ITGA11: variants seen among roughly 807,000 people sequenced by gnomAD.
The protein encoded by ITGA11 is integrin subunit alpha 11.
In ITGA11, 97 loss-of-function variants were observed where a neutral mutation model predicts 141.9. That is an observed-to-expected ratio of 0.68 (90% CI 0.58 to 0.81). ITGA11 has a LOEUF of 0.81. Among genes scored for constraint, ITGA11 ranks in the 30% least tolerant of loss-of-function variants. ITGA11 has a pLI of 0.00. For synonymous variants in ITGA11, 658 were observed against 624.6 expected (o/e 1.05, Z -0.80); for missense variants, 1,387 against 1,559.2 (o/e 0.89, Z 1.86).
intron 2 of ITGA11, among the ~76,000 whole-genome samples, chr15:68,399,578 T>C (rs1172231712): frequency 6.6e-6 from 1 of 152,034 alleles, no homozygotes; most frequent in Non-Finnish European, 1.5e-5. Flanking sequence ...TAATGGTGGA[T>C]TGGATAAAGA....
rs1313325116 is a variant in ITGA11 at position 68,305,529 on chromosome 15, T to C, written c.3382-1644A>G. ...GAGCTCAGCTAACACGTGGAGTGAA[T>C]GGACCACCTGCAACAGCAGACAGAG... On this transcript the variant is annotated intron_variant, in intron 28 of 29. Coordinates refer to ENST00000315757, the MANE Select transcript of ITGA11 (RefSeq NM_001004439.2). This position sits in a 1 kb window ranked among gnomAD's most constrained non-coding sequence, Gnocchi z 4.6. Among the ~76,000 whole-genome samples, 3 of 152,244 alleles carry C rather than the reference T, an allele frequency of 2.0e-5. No homozygotes were observed. Among genetic ancestry groups the C allele is most frequent in the Non-Finnish European group, 4.4e-5 (3 of 68,010 alleles).
Position 68,321,241 on chromosome 15 carries a change from AG to A in ITGA11, c.2408+176del, listed in dbSNP as rs1455682725. On this transcript the variant is annotated intron_variant, in intron 19 of 29. Transcript: ENST00000315757. This position sits in a 1 kb window ranked among gnomAD's most constrained non-coding sequence, Gnocchi z 4.9. Reference sequence around the variant, plus strand: ...TCATATTACAGAAGAGACTTTCCTGAGGTTATGCAGGAGTTGGTGGCAGAGC... The same window carrying A: ...TCATATTACAGAAGAGACTTTCCTGAGTTATGCAGGAGTTGGTGGCAGAGC... 5.3e-5 allele frequency among the ~76,000 whole-genome samples: 8 copies of A among 150,694 alleles called. No individual in the cohort carries two copies. Among genetic ancestry groups the A allele is most frequent in the African/African-American group, 2.0e-4 (8 of 40,800 alleles).
intron 5 of ITGA11, among the ~76,000 whole-genome samples, chr15:68,360,907 G>A (rs1895222823): frequency 6.6e-6 from 1 of 152,104 alleles, no homozygotes; most frequent in Admixed American, 6.5e-5. Flanking sequence ...AGCCAGAGGT[G>A]CCAATTCCCG....
chr15:68,345,601 CCTT>C (rs1265625210), intron 10 of ITGA11, among the ~76,000 whole-genome samples: 1 of 152,254 alleles, frequency 6.6e-6, no homozygotes, highest in Non-Finnish European at 1.5e-5. Context: ...AGGGATCTCT[CCTT>C]CTACCAGAAC....
Position 68,312,785 on chromosome 15 carries a change from G to A in ITGA11, c.2961C>T (p.Ser987=), listed in dbSNP as rs1234162620. 1 of 1,613,100 alleles carries A rather than the reference G, an allele frequency of 6.2e-7. No individual in the cohort carries two copies. The highest frequency in any genetic ancestry group is 1.1e-5 in the South Asian group (1 of 91,060). Residue 987 remains serine, a synonymous_variant, in exon 24 of 30, where the codon AGC becomes AGT. Coordinates refer to ENST00000315757, the MANE Select transcript of ITGA11 (RefSeq NM_001004439.2). ...CCTCCAGCCTCACCCTGAAGATGCA[G>A]CTGAAGGGAGGCCCGATACCATCGT... is the stretch of plus-strand genomic sequence containing the variant. ...ERYDGIGPPF[S]CIFRIQNLGL... is the part of the protein sequence containing the mutation.
At chr15:68,414,851 C>T (rs534153441) in intron 1 of ITGA11, among the ~76,000 whole-genome samples, 4 of 152,314 alleles carry the variant, frequency 2.6e-5, no homozygotes, top group East Asian at 1.9e-4. Context: ...CCTCTCCCCA[C>T]GGCTTAGCGC....
In ITGA11 at chr15:68,357,297, AACCTGCAAGG is replaced by A. The variant is rs1231499119; in HGVS notation, c.601-8_602del. ...CATCTTCGCCATACTGCACAACTCC[AACCTGCAAGG>A]GAGAGGAGAGGGCAACAGAACATTT... On this transcript the variant is annotated splice_acceptor_variant and splice_polypyrimidine_tract_variant and coding_sequence_variant and intron_variant, in exon 7 of 30. Transcript: ENST00000315757. LOFTEE classifies it high-confidence loss of function. 3 of 1,612,024 alleles carry A rather than the reference AACCTGCAAGG, an allele frequency of 1.9e-6. No individual in the cohort carries two copies. The South Asian group carries it at 3.3e-5, about 18-fold the overall frequency.
rs1893914047 is a variant in ITGA11, at chr15:68,324,603, A to G, written c.2322+528T>C. Among the ~76,000 whole-genome samples, 1 of 152,160 alleles carries G rather than the reference A, an allele frequency of 6.6e-6. No individual in the cohort carries two copies. The highest frequency in any genetic ancestry group is 2.1e-4 in the South Asian group (1 of 4,826). On this transcript the variant is annotated intron_variant, in intron 18 of 29. Coordinates refer to ENST00000315757, the MANE Select transcript of ITGA11 (RefSeq NM_001004439.2). This position sits in a 1 kb window ranked among gnomAD's most constrained non-coding sequence, Gnocchi z 6.3. ...CAAACATTTTGGATGCCCCAGAGCCAGGGATTAGAAAATGTGGCTGAGGGA... is the reference window on the plus strand; with the variant it reads ...CAAACATTTTGGATGCCCCAGAGCCGGGGATTAGAAAATGTGGCTGAGGGA...
intron 2 of ITGA11, among the ~76,000 whole-genome samples, chr15:68,402,613 C>G (rs376393132): frequency 7.2e-5 from 11 of 152,254 alleles, no homozygotes; most frequent in African/African-American, 2.6e-4. Flanking sequence ...TAGACATGAC[C>G]AGGGGCTAAC....
chr15:68,351,492 C>T, intron 7 of ITGA11, 90 bp from the exon 8 acceptor site: 6 of 1,451,554 alleles, frequency 4.1e-6, no homozygotes, highest in Non-Finnish European at 5.6e-6. Context: ...CCACAGAAAC[C>T]AGGACCAAGT....
intron 3 of ITGA11, among the ~76,000 whole-genome samples, chr15:68,367,712 T>C (rs1895468637): frequency 6.6e-6 from 1 of 152,140 alleles, no homozygotes; most frequent in Admixed American, 6.5e-5. Context: ...ACACTCTAGG[T>C]GCGCATTAAA....
rs1896472514 is a variant in ITGA11, at chr15:68,400,765, T to TA, written c.164+2152dup. The stretch of plus-strand genomic sequence containing the variant: ...TTATATAATAAATATTATAATATTA[T>TA]ATATTATATAATAAATATTATATTA... On this transcript the variant is annotated intron_variant, in intron 2 of 29. Transcript: ENST00000315757. Among the ~76,000 whole-genome samples, 4 of 27,834 alleles carry TA rather than the reference T, an allele frequency of 1.4e-4. No individual in the cohort carries two copies. In the East Asian group the frequency reaches 0.018, roughly 123 times the overall value. The allele number at this position is 27,834 out of a possible 152,430, so 18.3% of individuals were successfully genotyped here.
rs368816061 is a variant in ITGA11 at position 68,415,641 on chromosome 15, C to A, written c.53-12612G>T. Among the ~76,000 whole-genome samples, 118 of 152,304 alleles carry A rather than the reference C, an allele frequency of 7.7e-4. 3 individuals carry two copies. In the South Asian group the frequency reaches 0.024, roughly 31 times the overall value. On this transcript the variant is annotated intron_variant, in intron 1 of 29. Coordinates refer to ENST00000315757, the MANE Select transcript of ITGA11 (RefSeq NM_001004439.2). ...CAAGGCCTGTGTCATGGAGCTGCAGCCACAGTGTCCACCTTCCCCGGGAGG... is the reference window on the plus strand; with the variant it reads ...CAAGGCCTGTGTCATGGAGCTGCAGACACAGTGTCCACCTTCCCCGGGAGG...
At chr15:68,410,277 CTCCAT>C (rs1459540342) in intron 1 of ITGA11, among the ~76,000 whole-genome samples, 1 of 152,248 alleles carries the variant, frequency 6.6e-6, no homozygotes, top group Non-Finnish European at 1.5e-5. Context: ...TTGGGCTCTG[CTCCAT>C]GTTGCAGATG....
chr15:68,416,384 C>T (rs66662325), intron 1 of ITGA11, among the ~76,000 whole-genome samples: 31,133 of 152,062 alleles, frequency 0.2, 3,522 homozygotes, highest in Non-Finnish European at 0.27. Flanking sequence ...CAGAAGCATC[C>T]GGAGACAGGG....
At chr15:68,339,445 C>T in intron 11 of ITGA11, 55 bp downstream of exon 11, 1 of 1,561,626 alleles carries the variant, frequency 6.4e-7, no homozygotes, top group Non-Finnish European at 8.7e-7. Flanking sequence ...TGTGCAGCCC[C>T]TGGGTGCCCT....
At chr15:68,342,856 T>G (rs1423509700) in intron 10 of ITGA11, among the ~76,000 whole-genome samples, 1 of 151,956 alleles carries the variant, frequency 6.6e-6, no homozygotes, top group Non-Finnish European at 1.5e-5. Flanking sequence ...TACGGCAGAG[T>G]TATCCAGCCC....
At chr15:68,350,023 A>G (rs1420149720) in intron 9 of ITGA11, among the ~76,000 whole-genome samples, 2 of 152,158 alleles carry the variant, frequency 1.3e-5, no homozygotes, top group Non-Finnish European at 2.9e-5. Context: ...AAAGCCCACC[A>G]TGCTCCCAAG....
In ITGA11 at chr15:68,328,482, G is replaced by A. The variant is rs1894055558; in HGVS notation, c.1902-220C>T. On this transcript the variant is annotated intron_variant, in intron 15 of 29. Transcript: ENST00000315757. This position sits in a 1 kb window ranked among gnomAD's most constrained non-coding sequence, Gnocchi z 4.8. ...GGCGAAAGGGGCTCAGCCACCTCAT[G>A]GCCCCTCCATGCAGCCCCTCAGCAC... is the stretch of plus-strand genomic sequence containing the variant. 6.6e-6 allele frequency among the ~76,000 whole-genome samples: 1 copy of A among 152,192 alleles called. No homozygotes were observed. Among genetic ancestry groups the A allele is most frequent in the Non-Finnish European group, 1.5e-5 (1 of 68,032 alleles).
Sources: gnomAD v4.1 joint callset for allele counts (sites outside exome capture counted in the v4.1 genomes callset) on GRCh38, gnomAD v4.1.1 for gene constraint, Gnocchi (gnomAD v3.1) non-coding constraint, MANE v1.5 for transcripts, NCBI Gene and HGNC (gene_info 2026-07-23, HGNC 2026-07-21) for gene names.